The following COL13A1 variants were observed in gnomAD, a reference collection of about 807,000 sequenced individuals.
The protein encoded by COL13A1 is collagen alpha-1(XIII) chain.
In COL13A1, 89 loss-of-function variants were observed where a neutral mutation model predicts 130.9. That is an observed-to-expected ratio of 0.68 (90% CI 0.57 to 0.81). COL13A1 has a LOEUF of 0.81. Among genes scored for constraint, COL13A1 ranks in the 30% least tolerant of loss-of-function variants. The probability of loss-of-function intolerance (pLI) is 0.00; values close to 1 mark genes in which losing one functional copy is unlikely to be tolerated. For synonymous variants in COL13A1, 402 were observed against 341.6 expected (o/e 1.18, Z -1.95); for missense variants, 879 against 934.6 (o/e 0.94, Z 0.78).
In COL13A1 at chr10:69,802,211, G is replaced by A; in HGVS notation, c.-213G>A. On this transcript the variant is annotated 5_prime_UTR_variant, in exon 1 of 41. The change creates a new upstream start codon in the 5' untranslated region. Transcript: ENST00000645393. Reference sequence around the variant, plus strand: ...TCGAAATAACTTTTTTCTCACCTAGGTGTACCCCAATTACCGCTGGTTGTG... The same window carrying A: ...TCGAAATAACTTTTTTCTCACCTAGATGTACCCCAATTACCGCTGGTTGTG... The A allele has an allele frequency of 3.7e-6, 2 of 543,404 alleles. No individual in the cohort carries two copies. Among genetic ancestry groups the A allele is most frequent in the Non-Finnish European group, 6.1e-6 (2 of 329,034 alleles). The allele number at this position is 543,404 out of a possible 1,614,324, so 33.7% of individuals were successfully genotyped here. A position where few individuals can be genotyped will look rare whatever the true frequency, so the allele number is the denominator to read the frequency against.
chr10:69,868,666 G>T (rs1158230189), intron 3 of COL13A1, among the ~76,000 whole-genome samples: 2 of 152,184 alleles, frequency 1.3e-5, no homozygotes, highest in African/African-American at 4.8e-5. Context: ...CATTTCCATA[G>T]TTGTTTTCCT....
intron 1 of COL13A1, among the ~76,000 whole-genome samples, chr10:69,809,220 G>A (rs1157992912): frequency 6.6e-6 from 1 of 152,228 alleles, no homozygotes; most frequent in Non-Finnish European, 1.5e-5. Flanking sequence ...CCTCCTTACA[G>A]GGTTGTTGTA....
rs573578373 is a variant in COL13A1, at chr10:69,880,660, G to A, written c.513+107G>A. 55 of 1,188,024 alleles carry A rather than the reference G, an allele frequency of 4.6e-5. No individual in the cohort carries two copies. In the East Asian group the frequency reaches 9.7e-4, roughly 21 times the overall value. The allele number at this position is 1,188,024 out of a possible 1,614,324, so 73.6% of individuals were successfully genotyped here. A position where few individuals can be genotyped will look rare whatever the true frequency, so the allele number is the denominator to read the frequency against. On this transcript the variant is annotated intron_variant, in intron 7 of 40. Transcript: ENST00000645393. ...ACAGCGAGGGCGGCTGTGCCCCTGG[G>A]TGGGGAGGCCACCGCATGTGATGTG...
intron 1 of COL13A1, among the ~76,000 whole-genome samples, chr10:69,810,340 CTGAGAA>C: frequency 3.0e-5 from 3 of 99,064 alleles, no homozygotes; most frequent in Admixed American, 1.2e-4. Context: ...CTGGCAGGCC[CTGAGAA>C]TGAGAGAGAG....
rs1385737863 is a variant in COL13A1, at chr10:69,945,681, G to T, written c.1979G>T (p.Gly660Val). ...TTTCTCCCATTTCAGGGCAGCAAAG[G>T]AGACCCTGGGATGACAGGACCAACG... ...AGPKGERGSKGDPGMTGPTGA... is the reference protein window; with the variant it reads ...AGPKGERGSKVDPGMTGPTGA... The change falls in exon 37 of 41, where the codon GGA (glycine) becomes GTA (valine). Residue 660 changes from glycine (G) to valine (V), a missense_variant. By Grantham distance (109) the Gly-to-Val change is moderately radical. Transcript: ENST00000645393. The T allele has an allele frequency of 6.2e-7, 1 of 1,613,056 alleles. No individual in the cohort carries two copies. The highest frequency in any genetic ancestry group is 8.5e-7 in the Non-Finnish European group (1 of 1,179,550).
intron 17 of COL13A1, among the ~76,000 whole-genome samples, chr10:69,907,663 C>A (rs1478656596): frequency 6.6e-6 from 1 of 151,784 alleles, no homozygotes; most frequent in Non-Finnish European, 1.5e-5. Flanking sequence ...TGATGACTAA[C>A]CCACCCCCAC....
rs573498885 is a variant in COL13A1 at position 69,870,420 on chromosome 10, C to T, written c.373-1764C>T. 7.2e-5 allele frequency among the ~76,000 whole-genome samples: 11 copies of T among 151,756 alleles called. No homozygotes were observed. The East Asian group carries it at 7.8e-4, about 11-fold the overall frequency. ...CTCAATCTCATGGGCTCAAGTGGCC[C>T]TCCTGCCTCAGCCTCCCAAGTAGCT... On this transcript the variant is annotated intron_variant, in intron 3 of 40. Coordinates refer to ENST00000645393, the MANE Select transcript of COL13A1 (RefSeq NM_001368882.1).
At chr10:69,855,512 A>C (rs749317533) in intron 2 of COL13A1, among the ~76,000 whole-genome samples, 1 of 152,214 alleles carries the variant, frequency 6.6e-6, no homozygotes, top group Non-Finnish European at 1.5e-5. Flanking sequence ...ATAATGAACT[A>C]ATAACTAATA....
chr10:69,954,074 T>G (rs1482753508), intron 39 of COL13A1: 3 of 152,802 alleles, frequency 2.0e-5, no homozygotes, highest in African/African-American at 7.2e-5. Context: ...GGCTTCCCCA[T>G]GTGTGTGATT....
intron 23 of COL13A1, 62 bp downstream of exon 23, chr10:69,922,856 G>T (rs2064862878): frequency 4.2e-6 from 5 of 1,177,198 alleles, no homozygotes; most frequent in Non-Finnish European, 4.7e-6. Flanking sequence ...TCTTCAGCCT[G>T]TTCTCGGGGA....
intron 17 of COL13A1, among the ~76,000 whole-genome samples, chr10:69,908,182 T>C (rs908339110): frequency 6.6e-6 from 1 of 152,024 alleles, no homozygotes; most frequent in African/African-American, 2.4e-5. Context: ...GGGGCAGAAA[T>C]GTTGGGAAGG....
At chr10:69,945,843 C>A (rs889259531) in intron 37 of COL13A1, 119 bp downstream of exon 37, 1 of 1,254,604 alleles carries the variant, frequency 8.0e-7, no homozygotes, top group Non-Finnish European at 1.1e-6. Flanking sequence ...GAGGCCGAGG[C>A]GGGCGCATCA....
At chr10:69,877,981 C>T (rs2059769856) in intron 5 of COL13A1, 58 bp from the exon 6 acceptor site, 1 of 699,452 alleles carries the variant, frequency 1.4e-6, no homozygotes, top group South Asian at 1.5e-5. Context: ...CTCATCCCCT[C>T]TTTTTTCTCT....
intron 2 of COL13A1, among the ~76,000 whole-genome samples, chr10:69,849,897 C>T (rs142577263): frequency 0.012 from 1,794 of 152,340 alleles, 18 homozygotes; most frequent in Non-Finnish European, 0.018. Context: ...GGCCAGCTCC[C>T]GAGTAAGGTC....
chr10:69,914,103 C>T (rs531236497), intron 17 of COL13A1, among the ~76,000 whole-genome samples: 14 of 152,246 alleles, frequency 9.2e-5, no homozygotes, highest in South Asian at 2.1e-4. Context: ...TCTCACGCTC[C>T]GGGGTTTTGC....
chr10:69,906,113 G>T (rs2135240290), intron 17 of COL13A1, among the ~76,000 whole-genome samples: 1 of 152,342 alleles, frequency 6.6e-6, no homozygotes, highest in African/African-American at 2.4e-5. Context: ...CCCAGTGAAG[G>T]CAGACTTTAT....
At chr10:69,953,926 T>A (rs1352306779) in intron 39 of COL13A1, 1 of 152,916 alleles carries the variant, frequency 6.5e-6, no homozygotes, top group Non-Finnish European at 1.5e-5. Context: ...TGAATAATCA[T>A]CGTGGTTGGT....
intron 13 of COL13A1, chr10:69,897,407 G>A: frequency 6.6e-7 from 1 of 1,523,582 alleles, no homozygotes. Context: ...GGGAGCTGGT[G>A]TCTGTGGGCT....
At position 69,880,535 on chromosome 10, in the gene COL13A1, T is replaced by C. The variant is rs981938044; in HGVS notation, c.495T>C (p.Ile165=). 1.9e-6 allele frequency: 3 copies of C among 1,613,508 alleles called. No individual in the cohort carries two copies. The highest frequency in any genetic ancestry group is 4.5e-5 in the East Asian group (2 of 44,836). The stretch of plus-strand genomic sequence containing the variant: ...CCGGAGACGCTGGGCTGTCCATCAT[T>C]GGTCCCCGCGGCCCCCCTGTAAGTT... ...GSPGDAGLSI[I]GPRGPPGQPG... The change falls in exon 7 of 41, where the codon ATT becomes ATC. Residue 165 remains isoleucine, a synonymous_variant. Coordinates refer to ENST00000645393, the MANE Select transcript of COL13A1 (RefSeq NM_001368882.1).
Sources: gnomAD v4.1 joint callset for allele counts (sites outside exome capture counted in the v4.1 genomes callset) on GRCh38, gnomAD v4.1.1 for gene constraint, MANE v1.5 for transcripts, NCBI Gene and HGNC (gene_info 2026-07-23, HGNC 2026-07-21) for gene names.